Variants in SRSF10 observed in about 807,000 individuals in gnomAD.
The protein encoded by SRSF10 is serine/arginine-rich splicing factor 10.
A neutral mutation model predicts 32.6 loss-of-function variants in SRSF10; 9 were observed. That is an observed-to-expected ratio of 0.28 (90% CI 0.17 to 0.48). The LOEUF is 0.48. SRSF10 is among the 20% of genes least tolerant of loss of function. The pLI, the probability that SRSF10 is intolerant of heterozygous loss-of-function variation, is 0.99. For synonymous variants in SRSF10, 105 were observed against 112.4 expected (o/e 0.93, Z 0.42); for missense variants, 201 against 331.8 (o/e 0.61, Z 3.06).
At chr1:23,976,069 C>G (rs1039290380) in intron 2 of SRSF10, 144 of 152,310 alleles carry the variant, frequency 9.5e-4, no homozygotes, top group African/African-American at 3.2e-3. Flanking sequence ...AGTACACATT[C>G]AAGACAGTGT....
In SRSF10 at chr1:23,970,378, T is replaced by TTTTTTTTA. The variant is rs1641675333; in HGVS notation, c.*763_*764insTAAAAAAA. 1.0e-6 allele frequency: 1 copy of TTTTTTTTA among 983,878 alleles called. No homozygotes were observed. Among genetic ancestry groups the TTTTTTTTA allele is most frequent in the East Asian group, 1.1e-4 (1 of 8,820 alleles). The allele number at this position is 983,878 out of a possible 1,614,324, so 60.9% of individuals were successfully genotyped here. ...TAGACATCCGGTTTTTTTTTTTTTT[T>TTTTTTTTA]GAGACGGAGTCTCACTCTGTTGCCC... is the stretch of plus-strand genomic sequence containing the variant. On this transcript the variant is annotated 3_prime_UTR_variant, in exon 6 of 6. Transcript: ENST00000492112.
rs953212300 is a variant in SRSF10 at position 23,978,733 on chromosome 1, T to G, written c.150A>C (p.Pro50=). 26 of 1,613,166 alleles carry G rather than the reference T, an allele frequency of 1.6e-5. No individual in the cohort carries two copies. The African/African-American group carries it at 3.3e-4, about 21-fold the overall frequency. ...YVPLDFYTRR[P]RGFAYVQFED... is the part of the protein sequence containing the mutation. ...GATATTGAACATAAGCAAATCCTCT[T>G]GGACGGCGAGTGTAGAAATCAAGTG... Residue 50 remains proline, a synonymous_variant, in exon 2 of 6, where the codon CCA becomes CCC. Coordinates refer to ENST00000492112, the MANE Select transcript of SRSF10 (RefSeq NM_054016.4).
rs1192633396 is a variant in SRSF10, at chr1:23,969,206, C to G, written c.*1936G>C. 6.1e-6 allele frequency: 6 copies of G among 984,600 alleles called. No homozygotes were observed. Among genetic ancestry groups the G allele is most frequent in the Non-Finnish European group, 6.0e-6 (5 of 828,882 alleles). 61.0% of individuals were successfully genotyped at this position (984,600 alleles called of 1,614,324 possible). A position where few individuals can be genotyped will look rare whatever the true frequency, so the allele number is the denominator to read the frequency against. ...TGTACACAATATTTGTTAAAAAGAA[C>G]ATATAAAAATACCTTTTTAGAAGCC... On this transcript the variant is annotated 3_prime_UTR_variant, in exon 6 of 6. Transcript: ENST00000492112.
At position 23,979,057 on chromosome 1, in the gene SRSF10, G is replaced by GTTT. The variant is rs71655401; in HGVS notation, c.66-243_66-241dup. ...CAGCATTAGGTTGTATATAAGCCTT[G>GTTT]TTTTTTTTTTTTTTTTTACTTTTAC... On this transcript the variant is annotated intron_variant, in intron 1 of 5. Transcript: ENST00000492112. 65 of 134,078 alleles carry GTTT rather than the reference G, an allele frequency of 4.8e-4. 1 individual carries two copies. Among genetic ancestry groups the GTTT allele is most frequent in the South Asian group, 1.5e-3 (6 of 3,938 alleles). The allele number at this position is 134,078 out of a possible 1,614,324, so 8.3% of individuals were successfully genotyped here. A position where few individuals can be genotyped will look rare whatever the true frequency, so the allele number is the denominator to read the frequency against.
In SRSF10 at chr1:23,964,478, A is replaced by G. The variant is rs1641360948; in HGVS notation, c.*6664T>C. Reference sequence around the variant, plus strand: ...CCATGTAAGGCTGCTGAAGTCAGCCATACTGTGAACCTTAGGTAAATGCTG... The same window carrying G: ...CCATGTAAGGCTGCTGAAGTCAGCCGTACTGTGAACCTTAGGTAAATGCTG... On this transcript the variant is annotated 3_prime_UTR_variant, in exon 6 of 6. Coordinates refer to ENST00000492112, the MANE Select transcript of SRSF10 (RefSeq NM_054016.4). Among the ~76,000 whole-genome samples the G allele has an allele frequency of 6.6e-6, 1 of 152,032 alleles. No individual in the cohort carries two copies.
rs1641517911 is a variant in SRSF10, at chr1:23,967,688, G to T, written c.*3454C>A. The T allele has an allele frequency of 6.3e-7, 1 of 1,598,478 alleles. No homozygotes were observed. The highest frequency in any genetic ancestry group is 8.6e-7 in the Non-Finnish European group (1 of 1,166,000). On this transcript the variant is annotated 3_prime_UTR_variant, in exon 6 of 6. Transcript: ENST00000492112. ...TCAGATCTTTCTTGAAGTGTAGTAA[G>T]CAGAACTGTACTGGGTATTCCAGCT...
rs1010541065 is a variant in SRSF10 at position 23,964,373 on chromosome 1, G to C, written c.*6769C>G. Among the ~76,000 whole-genome samples, 4 of 151,808 alleles carry C rather than the reference G, an allele frequency of 2.6e-5. No homozygotes were observed. The highest frequency in any genetic ancestry group is 2.0e-4 in the Admixed American group (3 of 15,256). On this transcript the variant is annotated 3_prime_UTR_variant, in exon 6 of 6. Transcript: ENST00000492112. ...AAGGTACTGATAAAAGTTTTGGTTA[G>C]CCTATATAGAGAATGGTGATAGGAA...
In SRSF10 at chr1:23,966,066, A is replaced by T. The variant is rs1380361692; in HGVS notation, c.*5076T>A. The T allele has an allele frequency of 1.3e-5, 2 of 151,940 alleles. No individual in the cohort carries two copies. The highest frequency in any genetic ancestry group is 2.9e-5 in the Non-Finnish European group (2 of 67,848). 9.4% of individuals were successfully genotyped at this position (151,940 alleles called of 1,614,324 possible). A position where few individuals can be genotyped will look rare whatever the true frequency, so the allele number is the denominator to read the frequency against. The stretch of plus-strand genomic sequence containing the variant: ...TATATCAATGTTACTATCTCCATGA[A>T]AATAAAGCTATAAAAACACTTCCCC... On this transcript the variant is annotated 3_prime_UTR_variant, in exon 6 of 6. Coordinates refer to ENST00000492112, the MANE Select transcript of SRSF10 (RefSeq NM_054016.4).
intron 5 of SRSF10, 29 bp from the exon 6 acceptor site, chr1:23,971,468 GA>G: frequency 6.3e-7 from 1 of 1,589,218 alleles, no homozygotes; most frequent in Non-Finnish European, 8.5e-7. Context: ...GATATAATTA[GA>G]GTAAAAATTA....
In SRSF10 at chr1:23,970,711, CT is replaced by C; in HGVS notation, c.*430del. On this transcript the variant is annotated 3_prime_UTR_variant, in exon 6 of 6. Transcript: ENST00000492112. Reference sequence around the variant, plus strand: ...AGGTCCACCCTGAACCTAAATGTGTCTGAGCAGTCAGTGTTGTACTGTGGCT... The same window carrying C: ...AGGTCCACCCTGAACCTAAATGTGTCGAGCAGTCAGTGTTGTACTGTGGCT... The C allele has an allele frequency of 1.0e-6, 1 of 990,536 alleles. No homozygotes were observed. The allele number at this position is 990,536 out of a possible 1,614,324, so 61.4% of individuals were successfully genotyped here. A position where few individuals can be genotyped will look rare whatever the true frequency, so the allele number is the denominator to read the frequency against.
chr1:23,964,609 C>T lies in SRSF10; in HGVS notation c.*6533G>A, dbSNP rs1204306783. ...AAATACTAATAAACTATCCTCTTCC[C>T]TAGAACTACAACACAGGAAAAAACC... On this transcript the variant is annotated 3_prime_UTR_variant, in exon 6 of 6. Transcript: ENST00000492112. Among the ~76,000 whole-genome samples, 3 of 151,968 alleles carry T rather than the reference C, an allele frequency of 2.0e-5. No individual in the cohort carries two copies. The highest frequency in any genetic ancestry group is 4.4e-5 in the Non-Finnish European group (3 of 67,888).
Position 23,965,058 on chromosome 1 carries a change from C to G in SRSF10, c.*6084G>C, listed in dbSNP as rs1156652186. 16 of 151,800 alleles carry G rather than the reference C, an allele frequency of 1.1e-4. No individual in the cohort carries two copies. The highest frequency in any genetic ancestry group is 3.9e-4 in the African/African-American group (16 of 41,360). The allele number at this position is 151,800 out of a possible 1,614,324, so 9.4% of individuals were successfully genotyped here. A position where few individuals can be genotyped will look rare whatever the true frequency, so the allele number is the denominator to read the frequency against. On this transcript the variant is annotated 3_prime_UTR_variant, in exon 6 of 6. Coordinates refer to ENST00000492112, the MANE Select transcript of SRSF10 (RefSeq NM_054016.4). ...AGAGGAAGGGGAAGAGGAAAAAACCCAAGAGAAGGAAACTTTTCCACAGTG... is the reference window on the plus strand; with the variant it reads ...AGAGGAAGGGGAAGAGGAAAAAACCGAAGAGAAGGAAACTTTTCCACAGTG...
chr1:23,967,799 A>G lies in SRSF10; in HGVS notation c.*3343T>C. The G allele has an allele frequency of 6.3e-7, 1 of 1,591,364 alleles. No individual in the cohort carries two copies. The highest frequency in any genetic ancestry group is 8.6e-7 in the Non-Finnish European group (1 of 1,166,456). On this transcript the variant is annotated 3_prime_UTR_variant, in exon 6 of 6. Transcript: ENST00000492112. ...GTGGTATACAGGATTTTGTTAGTTG[A>G]ACTGGATGTAGCAGCTTACTGGGCC... is the stretch of plus-strand genomic sequence containing the variant.
At chr1:23,973,642 GA>G (rs1241159167) in intron 3 of SRSF10, among the ~76,000 whole-genome samples, 2 of 152,016 alleles carry the variant, frequency 1.3e-5, no homozygotes, top group Non-Finnish European at 2.9e-5. Flanking sequence ...TCAAATGGCT[GA>G]AAAAAATGAC....
chr1:23,974,053 A>G (rs7517014), intron 3 of SRSF10, among the ~76,000 whole-genome samples: 14,033 of 148,790 alleles, frequency 0.094, 1,077 homozygotes, highest in African/African-American at 0.21. Flanking sequence ...GTGCAGTGGC[A>G]TGATCTCGGC....
intron 4 of SRSF10, 67 bp from the exon 5 acceptor site, chr1:23,971,693 G>A: frequency 1.3e-6 from 2 of 1,560,120 alleles, no homozygotes; most frequent in Non-Finnish European, 1.7e-6. Context: ...CTAATTAAAA[G>A]CAAACCATAA....
At chr1:23,978,976 G>A (rs1028387456) in intron 1 of SRSF10, 159 bp from the exon 2 acceptor site, 5 of 412,966 alleles carry the variant, frequency 1.2e-5, no homozygotes, top group African/African-American at 8.3e-5. Context: ...TATGGTACAA[G>A]GGAATGACCA....
Position 23,971,217 on chromosome 1 carries a change from C to T in SRSF10, c.714G>A (p.Gln238=). 1 of 1,614,126 alleles carries T rather than the reference C, an allele frequency of 6.2e-7. No homozygotes were observed. Among genetic ancestry groups the T allele is most frequent in the Non-Finnish European group, 8.5e-7 (1 of 1,180,008 alleles). ...RKKEPPRSKS[Q]SRSQSRSRSK... ...ACCTAGACCTAGACTGTGATCTTGA[C>T]TGAGATTTGGATCTAGGTGGTTCTT... The change falls in exon 6 of 6, where the codon CAG becomes CAA. Residue 238 remains glutamine (Q), a synonymous_variant. Transcript: ENST00000492112.
At chr1:23,973,194 T>C (rs902537432) in intron 3 of SRSF10, among the ~76,000 whole-genome samples, 27 of 152,222 alleles carry the variant, frequency 1.8e-4, no homozygotes, top group African/African-American at 6.5e-4. Context: ...GAAGACTGTT[T>C]TATGTTAAAA....
Sources: allele counts gnomAD v4.1 joint callset (sites outside exome capture counted in the v4.1 genomes callset), GRCh38; gene constraint gnomAD v4.1.1; transcripts MANE v1.5; gene names NCBI Gene and HGNC (gene_info 2026-07-23, HGNC 2026-07-21).